Variants in PRDM1 observed in about 807,000 individuals in gnomAD.
PRDM1 encodes the protein PR domain zinc finger protein 1.
A neutral mutation model predicts 62.8 loss-of-function variants in PRDM1; 13 were observed. The ratio of observed to expected loss-of-function variants is 0.21; its 90% CI spans 0.13 to 0.33. PRDM1 has a LOEUF of 0.33. Among genes scored for constraint, PRDM1 ranks in the 10% least tolerant of loss-of-function variants. PRDM1 has a pLI of 1.00. For missense variants in PRDM1, 895 were observed against 1,058.8 expected, an observed-to-expected ratio of 0.85 and a Z score of 2.15; for synonymous variants, 396 against 417.6, an observed-to-expected ratio of 0.95 and a Z score of 0.63.
At chr6:106,087,237 C>CAATG (rs1773833449) in intron 1 of PRDM1, among the ~76,000 whole-genome samples, 2 of 152,112 alleles carry the variant, frequency 1.3e-5, no homozygotes, top group Non-Finnish European at 2.9e-5. Context: ...ATATCCTCAT[C>CAATG]AATGTACAAG....
intron 1 of PRDM1, among the ~76,000 whole-genome samples, chr6:106,062,558 C>T (rs531900062): frequency 6.6e-6 from 1 of 152,314 alleles, no homozygotes; most frequent in East Asian, 1.9e-4. Context: ...ATTGGCTGCA[C>T]CTGGCCCTTT....
Position 106,000,156 on chromosome 6 carries a change from T to C in PRDM1, c.-67+6517T>C, listed in dbSNP as rs536114003. Among the ~76,000 whole-genome samples, 50 of 152,374 alleles carry C rather than the reference T, an allele frequency of 3.3e-4. 1 individual carries two copies. Among genetic ancestry groups the C allele is most frequent in the Admixed American group, 1.6e-3 (25 of 15,308 alleles). On this transcript the variant is annotated intron_variant, in intron 1 of 6. Transcript: ENST00000652320. ...GAGCCACCGCGCCTGGCATTATCTA[T>C]GTATTTCAACTATACCAAAAAACTA...
At position 105,994,038 on chromosome 6, in the gene PRDM1, A is replaced by T. The variant is rs908932610; in HGVS notation, c.-67+399A>T. Among the ~76,000 whole-genome samples the T allele has an allele frequency of 1.3e-5, 2 of 152,206 alleles. No homozygotes were observed. The highest frequency in any genetic ancestry group is 4.8e-5 in the African/African-American group (2 of 41,462). On this transcript the variant is annotated intron_variant, in intron 1 of 6. Transcript: ENST00000652320. This position sits in a 1 kb window ranked among gnomAD's most constrained non-coding sequence, Gnocchi z 4.1. ...GAACGGGGGTAAGGTATTTATTTGT[A>T]CGCTAGTTGAAGTGGGGCAGGAGCA...
chr6:106,088,353 C>T lies in PRDM1; in HGVS notation c.195C>T (p.His65=), dbSNP rs2114617964. Residue 65 remains histidine, a synonymous_variant, in exon 2 of 7, where the codon CAC becomes CAT. Coordinates refer to ENST00000369096, the MANE Select transcript of PRDM1 (RefSeq NM_001198.4). The part of the protein sequence containing the change: ...EEKCTYIVND[H]PWDSGADGGT... ...AGTGTACATACATTGTGAACGACCACCCCTGGGATTCTGGTGCTGATGGCG... is the reference window on the plus strand; with the variant it reads ...AGTGTACATACATTGTGAACGACCATCCCTGGGATTCTGGTGCTGATGGCG... 2.5e-6 allele frequency: 4 copies of T among 1,614,138 alleles called. No individual in the cohort carries two copies. The highest frequency in any genetic ancestry group is 2.5e-6 in the Non-Finnish European group (3 of 1,180,026).
chr6:106,041,148 T>A (rs1772988880), intron 1 of PRDM1, among the ~76,000 whole-genome samples: 1 of 152,226 alleles, frequency 6.6e-6, no homozygotes, highest in African/African-American at 2.4e-5. Flanking sequence ...TTCTGTTTGT[T>A]CTCTCTCCTA....
At chr6:106,104,280 C>T (rs867208007) in intron 4 of PRDM1, among the ~76,000 whole-genome samples, 6 of 150,874 alleles carry the variant, frequency 4.0e-5, no homozygotes, top group Non-Finnish European at 7.4e-5. Flanking sequence ...GGCACAATCT[C>T]GGCTCACCAC....
Position 106,068,447 on chromosome 6 carries a change from A to T in PRDM1, c.-67+19733A>T, listed in dbSNP as rs539798782. On this transcript the variant is annotated intron_variant, in intron 1 of 6. Transcript: ENST00000651185. ...CTCAGCTTCTTGTGTAGCCTTACAT[A>T]TGTTTGTCTGTGTGCAATATGTATA... 8.0e-4 allele frequency among the ~76,000 whole-genome samples: 122 copies of T among 152,236 alleles called. 1 individual carries two copies. The highest frequency in any genetic ancestry group is 3.1e-3 in the South Asian group (15 of 4,822).
intron 1 of PRDM1, among the ~76,000 whole-genome samples, chr6:106,017,947 A>G (rs928892048): frequency 3.3e-5 from 5 of 152,204 alleles, no homozygotes; most frequent in African/African-American, 9.7e-5. Context: ...GATATTGAAC[A>G]TGGTGTACCT....
In PRDM1 at chr6:106,086,495, C is replaced by T. The variant is rs2114614187; in HGVS notation, c.-59C>T. 6 of 1,507,954 alleles carry T rather than the reference C, an allele frequency of 4.0e-6. No homozygotes were observed. The South Asian group carries it at 6.1e-5, about 15-fold the overall frequency. 93.4% of individuals were successfully genotyped at this position (1,507,954 alleles called of 1,614,324 possible). A position where few individuals can be genotyped will look rare whatever the true frequency, so the allele number is the denominator to read the frequency against. On this transcript the variant is annotated 5_prime_UTR_variant, in exon 1 of 7. Transcript: ENST00000369096. ...CGAGGTGCGCGTCTGTGCGGCTCAG[C>T]CTGGCGGGGGACGCGGGGAGAATGT...
rs1049781041 is a variant in PRDM1 at position 106,086,479 on chromosome 6, C to G, written c.-75C>G. The G allele has an allele frequency of 1.4e-6, 2 of 1,438,312 alleles. No individual in the cohort carries two copies. Among genetic ancestry groups the G allele is most frequent in the South Asian group, 2.5e-5 (2 of 79,946 alleles). The allele number at this position is 1,438,312 out of a possible 1,614,324, so 89.1% of individuals were successfully genotyped here. ...AGCGAGGAGGGACCGCCGAGGTGCGCGTCTGTGCGGCTCAGCCTGGCGGGG... is the reference window on the plus strand; with the variant it reads ...AGCGAGGAGGGACCGCCGAGGTGCGGGTCTGTGCGGCTCAGCCTGGCGGGG... On this transcript the variant is annotated 5_prime_UTR_variant, in exon 1 of 7. Coordinates refer to ENST00000369096, the MANE Select transcript of PRDM1 (RefSeq NM_001198.4).
intron 1 of PRDM1, among the ~76,000 whole-genome samples, chr6:106,003,852 A>G (rs1258037133): frequency 6.6e-6 from 1 of 152,200 alleles, no homozygotes; most frequent in Non-Finnish European, 1.5e-5. Flanking sequence ...AAGGCAGAAC[A>G]GCTTTGTGTG....
intron 1 of PRDM1, among the ~76,000 whole-genome samples, chr6:105,999,954 C>T (rs1447919136): frequency 2.6e-5 from 4 of 152,046 alleles, no homozygotes; most frequent in Non-Finnish European, 4.4e-5. Context: ...CCTGGGTTCA[C>T]GCCATTCTCC....
At chr6:106,012,779 C>T (rs576206763) in intron 1 of PRDM1, among the ~76,000 whole-genome samples, 1 of 152,348 alleles carries the variant, frequency 6.6e-6, no homozygotes, top group Non-Finnish European at 1.5e-5. Context: ...CTGAGTGATA[C>T]ACTCTAGGGA....
intron 1 of PRDM1, among the ~76,000 whole-genome samples, chr6:106,071,490 A>G (rs9384598): frequency 0.14 from 22,030 of 152,004 alleles, 1,925 homozygotes; most frequent in African/African-American, 0.23. Flanking sequence ...TCGATTTTGC[A>G]TTGATTTTCT....
intron 1 of PRDM1, among the ~76,000 whole-genome samples, chr6:106,052,712 C>A (rs1562153872): frequency 6.6e-6 from 1 of 152,032 alleles, no homozygotes. Context: ...GTGGCTCACA[C>A]CTGTAATCCC....
At chr6:106,002,387 G>A (rs1471079881) in intron 1 of PRDM1, among the ~76,000 whole-genome samples, 3 of 152,144 alleles carry the variant, frequency 2.0e-5, no homozygotes, top group African/African-American at 7.2e-5. Flanking sequence ...GACATGGTTA[G>A]ATAATGGTGG....
In PRDM1 at chr6:106,098,414, T is replaced by C. The variant is rs899603818; in HGVS notation, c.412-886T>C. 5 of 985,262 alleles carry C rather than the reference T, an allele frequency of 5.1e-6. No homozygotes were observed. In the African/African-American group the frequency reaches 7.0e-5, roughly 14 times the overall value. The allele number at this position is 985,262 out of a possible 1,614,324, so 61.0% of individuals were successfully genotyped here. A position where few individuals can be genotyped will look rare whatever the true frequency, so the allele number is the denominator to read the frequency against. On this transcript the variant is annotated intron_variant, in intron 3 of 6. Transcript: ENST00000369096. ...GTGCATCTGTTATCCAGAAGTAGTATTACTCTAGGACAAACTTCAAATTCT... is the reference window on the plus strand; with the variant it reads ...GTGCATCTGTTATCCAGAAGTAGTACTACTCTAGGACAAACTTCAAATTCT...
At chr6:106,072,659 T>C (rs1773537427) in intron 1 of PRDM1, among the ~76,000 whole-genome samples, 1 of 152,248 alleles carries the variant, frequency 6.6e-6, no homozygotes, top group African/African-American at 2.4e-5. Context: ...TGTGTGTGGC[T>C]TCTCCTGCTG....
At chr6:105,992,832 G>T (rs1772296182), upstream of PRDM1, among the ~76,000 whole-genome samples, 1 of 152,218 alleles carries the variant, frequency 6.6e-6, no homozygotes, top group Admixed American at 6.5e-5. Context: ...ACAATCACTC[G>T]TCAACCGCTA....
Sources: allele counts gnomAD v4.1 joint callset (sites outside exome capture counted in the v4.1 genomes callset), GRCh38; gene constraint gnomAD v4.1.1; non-coding constraint Gnocchi (gnomAD v3.1); transcripts MANE v1.5; gene names NCBI Gene and HGNC (gene_info 2026-07-23, HGNC 2026-07-21).